ZSCAN23: variants seen among roughly 807,000 people sequenced by gnomAD.
ZSCAN23 encodes zinc finger and SCAN domain containing 23.
Under a neutral mutation model 19.3 loss-of-function variants are expected in ZSCAN23, and 19 were observed. The observed-to-expected ratio is 0.99, with a 90% CI of 0.69 to 1.45. The LOEUF (loss-of-function observed/expected upper bound fraction) is 1.45, where lower values mean the gene tolerates loss of function less well. ZSCAN23 is among the 40% of genes most tolerant of loss of function. The probability of loss-of-function intolerance (pLI) is 0.00; values close to 1 mark genes in which losing one functional copy is unlikely to be tolerated. For synonymous variants in ZSCAN23, 140 were observed against 166.2 expected, an observed-to-expected ratio of 0.84 and a Z score of 1.21; for missense variants, 372 against 462.5, an observed-to-expected ratio of 0.80 and a Z score of 1.79.
chr6:28,435,764 T>TA (rs61653240), intron 2 of ZSCAN23, 95 bp downstream of exon 2: 84,880 of 1,278,124 alleles, frequency 0.066, 1,486 homozygotes, highest in South Asian at 0.17. Flanking sequence ...AAGTCTGGCA[T>TA]AAAAAAAAAA....
the ZSCAN23 span, among the ~76,000 whole-genome samples, chr6:28,423,964 T>C: frequency 5.3e-5 from 8 of 152,224 alleles, no homozygotes; most frequent in Admixed American, 2.6e-4. Context: ...AATAAGACAC[T>C]ATTAGCTTTT....
At chr6:28,437,935 T>G (rs998689005) in intron 1 of ZSCAN23, among the ~76,000 whole-genome samples, 5 of 152,052 alleles carry the variant, frequency 3.3e-5, no homozygotes, top group African/African-American at 1.2e-4. Flanking sequence ...GGAACAGATT[T>G]TGTGGGTTAT....
At chr6:28,436,891 G>A (rs1051287370) in intron 1 of ZSCAN23, among the ~76,000 whole-genome samples, 3 of 152,174 alleles carry the variant, frequency 2.0e-5, no homozygotes, top group Admixed American at 2.0e-4. Context: ...GTAAGGTCTT[G>A]GACTGAGACA....
rs1277106886 is a variant in ZSCAN23 at position 28,435,634 on chromosome 6, A to G, written c.409-27T>C. ...TGGTGGAAATCAAGGACAGTTGGGA[A>G]CCCAATATCAGAGAGAACATGGCAA... On this transcript the variant is annotated intron_variant, in intron 2 of 3. Coordinates refer to ENST00000289788, the MANE Select transcript of ZSCAN23 (RefSeq NM_001012455.2). 16 of 1,542,928 alleles carry G rather than the reference A, an allele frequency of 1.0e-5. No homozygotes were observed. In the South Asian group the frequency reaches 1.1e-4, roughly 11 times the overall value.
In ZSCAN23 at chr6:28,434,671, G is replaced by A. The variant is rs1167048698; in HGVS notation, c.964C>T (p.His322Tyr). The change falls in exon 4 of 4, where the codon CAT becomes TAT. Residue 322 changes from histidine (H) to tyrosine (Y), a missense_variant. By Grantham distance (83) the His-to-Tyr change is moderately conservative (BLOSUM62 2). Transcript: ENST00000289788. ...KAFSQNAGLF[H>Y]HLRIHTGEKP... The stretch of plus-strand genomic sequence containing the variant: ...TCCCCAGTGTGAATTCTGAGGTGAT[G>A]GAAAAGCCCGGCATTCTGGCTGAAG... 1.3e-6 allele frequency: 2 copies of A among 1,572,476 alleles called. No homozygotes were observed. Among genetic ancestry groups the A allele is most frequent in the Admixed American group, 1.9e-5 (1 of 52,942 alleles).
the ZSCAN23 span, among the ~76,000 whole-genome samples, chr6:28,423,074 A>C: frequency 6.6e-6 from 1 of 152,170 alleles, no homozygotes; most frequent in African/African-American, 2.4e-5. Flanking sequence ...AACTGGGCAC[A>C]ATTAGATGGA....
At chr6:28,440,129 C>A (rs1761973877) in intron 1 of ZSCAN23, among the ~76,000 whole-genome samples, 5 of 152,256 alleles carry the variant, frequency 3.3e-5, no homozygotes, top group South Asian at 4.1e-4. Flanking sequence ...CTGTTCCATG[C>A]AAAGGTAACT....
At position 28,435,578 on chromosome 6, in the gene ZSCAN23, C is replaced by CTGTT; in HGVS notation, c.437_438insAACA (p.Phe147ThrfsTer18). The CTGTT allele has an allele frequency of 6.4e-7, 1 of 1,551,686 alleles. No homozygotes were observed. Among genetic ancestry groups the CTGTT allele is most frequent in the Non-Finnish European group, 8.7e-7 (1 of 1,146,992 alleles). On this transcript the variant is annotated frameshift_variant, in exon 3 of 4. Coordinates refer to ENST00000289788, the MANE Select transcript of ZSCAN23 (RefSeq NM_001012455.2). LOFTEE classifies it high-confidence loss of function. The stretch of plus-strand genomic sequence containing the variant: ...CTGGAGTTGCCTTCTCCTTTACAAA[C>CTGTT]TCTTCCTGTTCATGAGCATGGCTCA...
At chr6:28,429,452 C>T (rs1761713737), downstream of ZSCAN23, among the ~76,000 whole-genome samples, 1 of 152,132 alleles carries the variant, frequency 6.6e-6, no homozygotes, top group Non-Finnish European at 1.5e-5. Flanking sequence ...TACACAATAT[C>T]GTGACCATTA....
At position 28,434,941 on chromosome 6, in the gene ZSCAN23, G is replaced by T; in HGVS notation, c.694C>A (p.Arg232Ser). 1 of 1,551,904 alleles carries T rather than the reference G, an allele frequency of 6.4e-7. No homozygotes were observed. The highest frequency in any genetic ancestry group is 8.7e-7 in the Non-Finnish European group (1 of 1,147,092). Residue 232 changes from arginine to serine, a missense_variant, in exon 4 of 4, where the codon CGT (arginine) becomes AGT (serine). Arg to Ser is a moderately radical substitution (Grantham distance 110, BLOSUM62 -1). Coordinates refer to ENST00000289788, the MANE Select transcript of ZSCAN23 (RefSeq NM_001012455.2). Reference protein sequence around the residue: ...QIPEYGDTCDREGRLEKQRVS... With the variant: ...QIPEYGDTCDSEGRLEKQRVS... ...CTTTGCTTTTCCAATCTGCCCTCAC[G>T]GTCACAGGTATCTCCATACTCAGGA...
chr6:28,427,559 T>C (rs988499890), downstream of ZSCAN23, among the ~76,000 whole-genome samples: 1 of 152,196 alleles, frequency 6.6e-6, no homozygotes, highest in African/African-American at 2.4e-5. Flanking sequence ...TGTAGGCAGC[T>C]ATAACACAAA....
At chr6:28,442,367 G>T (rs542472026) in intron 1 of ZSCAN23, among the ~76,000 whole-genome samples, 1 of 152,178 alleles carries the variant, frequency 6.6e-6, no homozygotes, top group African/African-American at 2.4e-5. Flanking sequence ...ATAAGATAAT[G>T]TACAATTTTG....
rs772832547 is a variant in ZSCAN23, at chr6:28,436,092, A to C, written c.175T>G (p.Ser59Ala). 5 of 1,613,702 alleles carry C rather than the reference A, an allele frequency of 3.1e-6. No homozygotes were observed. The highest frequency in any genetic ancestry group is 4.2e-6 in the Non-Finnish European group (5 of 1,179,888). Residue 59 changes from serine (S) to alanine (A), a missense_variant, in exon 2 of 4, where the codon TCC becomes GCC. By Grantham distance (99) the Ser-to-Ala change is moderately conservative (BLOSUM62 1). Transcript: ENST00000289788. ...TGAAGAGCCTCCCGGGGCCCAGGGG[A>C]CTCCTGATAGCAGAACTGCCTGAAG... ...RRFRQFCYQE[S>A]PGPREALQRL...
chr6:28,440,478 A>G lies in ZSCAN23; in HGVS notation c.-78+2921T>C, dbSNP rs190049949. ...GGAAGAGATCATCATGGCTTGAAAC[A>G]TGATCTGCTGAATTGGTTCTAGGGT... On this transcript the variant is annotated intron_variant, in intron 1 of 3. Transcript: ENST00000289788. Among the ~76,000 whole-genome samples, 9 of 152,324 alleles carry G rather than the reference A, an allele frequency of 5.9e-5. No homozygotes were observed. The East Asian group carries it at 1.5e-3, about 26-fold the overall frequency.
the ZSCAN23 span, among the ~76,000 whole-genome samples, chr6:28,426,290 TTTTAA>T: frequency 6.6e-6 from 1 of 152,238 alleles, no homozygotes; most frequent in Non-Finnish European, 1.5e-5. Flanking sequence ...CATTTCTAGC[TTTTAA>T]TTTAAAGAGA....
At chr6:28,423,147 C>G in the ZSCAN23 span, among the ~76,000 whole-genome samples, 1 of 152,138 alleles carries the variant, frequency 6.6e-6, no homozygotes, top group Non-Finnish European at 1.5e-5. Flanking sequence ...CTGTGGAACA[C>G]ACGATGGGAG....
downstream of ZSCAN23, among the ~76,000 whole-genome samples, chr6:28,427,685 C>T (rs747981518): frequency 9.2e-5 from 14 of 152,258 alleles, no homozygotes; most frequent in African/African-American, 3.4e-4. Flanking sequence ...ACTGAAACAT[C>T]GCTATATGGC....
At chr6:28,431,972 T>C (rs1031144049), downstream of ZSCAN23, 3 of 152,184 alleles carry the variant, frequency 2.0e-5, no homozygotes. Context: ...TATTTTGTTC[T>C]TTTTTCTTTC....
chr6:28,427,326 G>A (rs760986701), downstream of ZSCAN23, among the ~76,000 whole-genome samples: 10 of 152,268 alleles, frequency 6.6e-5, no homozygotes, highest in South Asian at 2.1e-4. Flanking sequence ...TTTTTGTAGC[G>A]TTTAGCCTAA....
Sources: gnomAD v4.1 joint callset for allele counts (sites outside exome capture counted in the v4.1 genomes callset) on GRCh38, gnomAD v4.1.1 for gene constraint, MANE v1.5 for transcripts, NCBI Gene and HGNC (gene_info 2026-07-23, HGNC 2026-07-21) for gene names.